Variants in CCDC60 observed in about 807,000 individuals in gnomAD.
The protein encoded by CCDC60 is coiled-coil domain-containing protein 60.
In CCDC60, 54 loss-of-function variants were observed where a neutral mutation model predicts 63.5. The observed-to-expected ratio is 0.85, with a 90% CI of 0.68 to 1.07. The LOEUF (loss-of-function observed/expected upper bound fraction) is 1.07, where lower values mean the gene tolerates loss of function less well. Ranked by LOEUF, CCDC60 falls within the 50% of genes least tolerant of loss-of-function variation. The probability of loss-of-function intolerance (pLI) is 0.00; values close to 1 mark genes in which losing one functional copy is unlikely to be tolerated. For missense variants in CCDC60, 651 were observed against 684.3 expected (o/e 0.95, Z 0.54); for synonymous variants, 206 against 238.8 (o/e 0.86, Z 1.27).
intron 1 of CCDC60, among the ~76,000 whole-genome samples, chr12:119,407,682 G>T (rs1337140607): frequency 6.6e-6 from 1 of 152,106 alleles, no homozygotes; most frequent in Non-Finnish European, 1.5e-5. Context: ...ATCACCACTG[G>T]GTTCATTTCC....
At chr12:119,445,366 A>G (rs760893078) in intron 2 of CCDC60, among the ~76,000 whole-genome samples, 1 of 145,346 alleles carries the variant, frequency 6.9e-6, no homozygotes, top group Non-Finnish European at 1.5e-5. Flanking sequence ...CCCGGGATGC[A>G]GAGGTCGCAG....
At chr12:119,361,224 C>A (rs1168928300) in intron 1 of CCDC60, among the ~76,000 whole-genome samples, 1 of 141,932 alleles carries the variant, frequency 7.0e-6, no homozygotes, top group African/African-American at 2.6e-5. Flanking sequence ...AGGGAGAGCT[C>A]AAGTCTATCA....
intron 1 of CCDC60, among the ~76,000 whole-genome samples, chr12:119,380,646 G>A (rs962950356): frequency 6.6e-6 from 1 of 152,114 alleles, no homozygotes; most frequent in Non-Finnish European, 1.5e-5. Context: ...TAGCAGAAAA[G>A]GTACTTGTTT....
intron 1 of CCDC60, among the ~76,000 whole-genome samples, chr12:119,398,785 T>A (rs533524036): frequency 1.3e-5 from 2 of 152,348 alleles, no homozygotes; most frequent in South Asian, 4.1e-4. Context: ...GTACTGACTC[T>A]TTGTAGTAAG....
At chr12:119,448,315 G>A (rs912725546) in intron 2 of CCDC60, among the ~76,000 whole-genome samples, 3 of 152,108 alleles carry the variant, frequency 2.0e-5, no homozygotes, top group Non-Finnish European at 2.9e-5. Context: ...TTAAAGAGGC[G>A]ATGACTCCAG....
chr12:119,505,052 T>C lies in CCDC60; in HGVS notation c.649-17T>C. 1 of 1,562,668 alleles carries C rather than the reference T, an allele frequency of 6.4e-7. No homozygotes were observed. The highest frequency in any genetic ancestry group is 8.7e-7 in the Non-Finnish European group (1 of 1,146,486). ...CCCCCTCCTTCCTGAAACCTCTCTT[T>C]CTTCTCTTTCCTTTAGACCAAGAAA... On this transcript the variant is annotated splice_polypyrimidine_tract_variant and intron_variant, in intron 6 of 13. Transcript: ENST00000327554.
intron 2 of CCDC60, among the ~76,000 whole-genome samples, chr12:119,445,333 C>T (rs1013829045): frequency 1.4e-4 from 20 of 147,378 alleles, no homozygotes; most frequent in African/African-American, 4.8e-4. Flanking sequence ...ACTCGGGAGG[C>T]TGAGGTGGGA....
intron 1 of CCDC60, among the ~76,000 whole-genome samples, chr12:119,401,015 C>T (rs1035479702): frequency 6.6e-6 from 1 of 152,198 alleles, no homozygotes; most frequent in Admixed American, 6.5e-5. Flanking sequence ...CCTGAAATCC[C>T]AAATCCTACT....
intron 1 of CCDC60, among the ~76,000 whole-genome samples, chr12:119,416,873 C>T (rs1956708976): frequency 6.6e-6 from 1 of 152,166 alleles, no homozygotes; most frequent in African/African-American, 2.4e-5. Flanking sequence ...GTAATCCCAG[C>T]ACTTTGGGAG....
intron 1 of CCDC60, among the ~76,000 whole-genome samples, chr12:119,356,014 A>G (rs1955713775): frequency 6.6e-6 from 1 of 152,182 alleles, no homozygotes; most frequent in South Asian, 2.1e-4. Flanking sequence ...CTACCTCAGT[A>G]CCAGTTAAGC....
Position 119,540,694 on chromosome 12 carries a change from G to T in CCDC60, c.1632G>T (p.Gly544=). 6.2e-7 allele frequency: 1 copy of T among 1,613,588 alleles called. No homozygotes were observed. The highest frequency in any genetic ancestry group is 8.5e-7 in the Non-Finnish European group (1 of 1,179,860). ...AGAGCCGGATCAACATACCCATTGG[G>T]CCCTACAGCGCCCTGAGGTAGGCTG... ...WLQSRINIPI[G]PYSALR The change falls in exon 14 of 14, where the codon GGG becomes GGT. Residue 544 remains glycine, a synonymous_variant. Transcript: ENST00000327554.
chr12:119,501,158 G>A (rs1408220152), intron 6 of CCDC60, among the ~76,000 whole-genome samples: 1 of 152,156 alleles, frequency 6.6e-6, no homozygotes, highest in Non-Finnish European at 1.5e-5. Flanking sequence ...CACAACTTTA[G>A]TGAAGAATCC....
intron 1 of CCDC60, among the ~76,000 whole-genome samples, chr12:119,387,513 C>T (rs1956081383): frequency 1.3e-5 from 2 of 152,170 alleles, no homozygotes; most frequent in African/African-American, 2.4e-5. Flanking sequence ...TTAATTCTCA[C>T]CCCCTGCCCA....
intron 1 of CCDC60, among the ~76,000 whole-genome samples, chr12:119,344,680 A>C (rs1056728652): frequency 6.6e-6 from 1 of 152,192 alleles, no homozygotes; most frequent in East Asian, 1.9e-4. Flanking sequence ...GAATATCTTT[A>C]ATGAAGTTTA....
chr12:119,371,229 C>T (rs955477027), intron 1 of CCDC60, among the ~76,000 whole-genome samples: 1 of 152,052 alleles, frequency 6.6e-6, no homozygotes, highest in Non-Finnish European at 1.5e-5. Context: ...GACATTGTGT[C>T]TCCATCAGCA....
At chr12:119,498,814 C>T (rs1041259924) in intron 5 of CCDC60, among the ~76,000 whole-genome samples, 1 of 152,062 alleles carries the variant, frequency 6.6e-6, no homozygotes, top group Non-Finnish European at 1.5e-5. Flanking sequence ...GTCGATCAAT[C>T]GATATGTAAA....
rs1593105298 is a variant in CCDC60 at position 119,450,226 on chromosome 12, G to A, written c.170+21464G>A. Among the ~76,000 whole-genome samples the A allele has an allele frequency of 2.3e-5, 3 of 131,142 alleles. No individual in the cohort carries two copies. In the East Asian group the frequency reaches 8.0e-4, roughly 35 times the overall value. 86.0% of individuals were successfully genotyped at this position (131,142 alleles called of 152,430 possible). A position where few individuals can be genotyped will look rare whatever the true frequency, so the allele number is the denominator to read the frequency against. On this transcript the variant is annotated intron_variant, in intron 2 of 13. Coordinates refer to ENST00000327554, the MANE Select transcript of CCDC60 (RefSeq NM_178499.5). ...TAAACAATGTGCACACATGTACATA[G>A]AGAGCAGAATAATGGGCATTGGAGA...
At chr12:119,383,925 G>A (rs922999838) in intron 1 of CCDC60, among the ~76,000 whole-genome samples, 1 of 152,168 alleles carries the variant, frequency 6.6e-6, no homozygotes, top group Admixed American at 6.5e-5. Flanking sequence ...GGCCGGGCGC[G>A]GTGGCTCACG....
chr12:119,387,038 A>T (rs11064771), intron 1 of CCDC60, among the ~76,000 whole-genome samples: 11,129 of 93,212 alleles, frequency 0.12, 699 homozygotes, highest in Non-Finnish European at 0.17. Context: ...TCTCTCTCAC[A>T]CACACACACA....
Sources: gnomAD v4.1 joint callset for allele counts (sites outside exome capture counted in the v4.1 genomes callset) on GRCh38, gnomAD v4.1.1 for gene constraint, MANE v1.5 for transcripts, NCBI Gene and HGNC (gene_info 2026-07-23, HGNC 2026-07-21) for gene names.